THSD7B: variants seen among roughly 807,000 people sequenced by gnomAD.
THSD7B encodes the protein thrombospondin type-1 domain-containing protein 7B.
In THSD7B, 138 loss-of-function variants were observed where a neutral mutation model predicts 213.6. The observed-to-expected ratio is 0.65, with a 90% CI of 0.56 to 0.74. The LOEUF (loss-of-function observed/expected upper bound fraction) is 0.74. THSD7B is among the 30% of genes least tolerant of loss of function. The probability of loss-of-function intolerance (pLI) is 0.00; values close to 1 mark genes in which losing one functional copy is unlikely to be tolerated. For synonymous variants in THSD7B, 742 were observed against 687.0 expected (o/e 1.08, Z -1.25); for missense variants, 1,931 against 1,991.5 (o/e 0.97, Z 0.58).
At chr2:136,833,154 A>G (rs1347790785) in intron 1 of THSD7B, among the ~76,000 whole-genome samples, 27 of 152,164 alleles carry the variant, frequency 1.8e-4, no homozygotes, top group Admixed American at 1.5e-3. Context: ...TCACGAGGTC[A>G]GGAGATCAAG....
Position 137,056,601 on chromosome 2 carries a change from G to A in THSD7B, c.321G>A (p.Glu107=), listed in dbSNP as rs1687167086. 2 of 1,613,824 alleles carry A rather than the reference G, an allele frequency of 1.2e-6. No homozygotes were observed. The highest frequency in any genetic ancestry group is 1.3e-5 in the African/African-American group (1 of 74,914). ...CDWHSDLFQW[E]VSDWHHCVLV... ...GGCACAGTGACCTCTTTCAGTGGGA[G>A]GTTTCTGACTGGCACCACTGTGTGC... The change falls in exon 3 of 28, where the codon GAG becomes GAA. Residue 107 remains glutamate (E), a synonymous_variant. Transcript: ENST00000409968.
At chr2:137,456,623 T>A (rs1159043298) in intron 15 of THSD7B, among the ~76,000 whole-genome samples, 1 of 152,182 alleles carries the variant, frequency 6.6e-6, no homozygotes, top group African/African-American at 2.4e-5. Flanking sequence ...TTCCTGGGTA[T>A]CCATATGGAA....
chr2:136,815,917 C>T (rs553126809), intron 1 of THSD7B, among the ~76,000 whole-genome samples: 3 of 152,226 alleles, frequency 2.0e-5, no homozygotes, highest in East Asian at 3.9e-4. Flanking sequence ...CAGTGTCTCA[C>T]TCTGTCTCCC....
intron 12 of THSD7B, among the ~76,000 whole-genome samples, chr2:137,343,425 A>G (rs1269799484): frequency 1.3e-5 from 2 of 151,712 alleles, no homozygotes; most frequent in African/African-American, 4.8e-5. Context: ...ATAATTGTTT[A>G]TAGTAATTGC....
intron 1 of THSD7B, among the ~76,000 whole-genome samples, chr2:136,862,597 A>G (rs1210894343): frequency 2.6e-5 from 4 of 152,346 alleles, no homozygotes; most frequent in Admixed American, 1.3e-4. Flanking sequence ...ATTGTACAAC[A>G]TAATTTAGGA....
At chr2:137,338,627 T>C (rs1289845355) in intron 12 of THSD7B, among the ~76,000 whole-genome samples, 2 of 152,080 alleles carry the variant, frequency 1.3e-5, no homozygotes, top group Middle Eastern at 3.2e-3. Flanking sequence ...TGCAACAAAG[T>C]TTTTAAAACC....
intron 2 of THSD7B, among the ~76,000 whole-genome samples, chr2:136,935,536 A>G (rs1684707362): frequency 6.6e-6 from 1 of 152,204 alleles, no homozygotes; most frequent in African/African-American, 2.4e-5. Context: ...ACTTTAAGCC[A>G]TTGATGTATC....
chr2:137,214,840 G>A (rs1478443014), intron 7 of THSD7B, among the ~76,000 whole-genome samples: 3 of 152,100 alleles, frequency 2.0e-5, no homozygotes, highest in Non-Finnish European at 4.4e-5. Context: ...TCGCTGATGG[G>A]CATTTGGGTT....
rs555189977 is a variant in THSD7B, at chr2:137,642,377, G to T, written c.3800-111G>T. On this transcript the variant is annotated intron_variant, in intron 20 of 27. Coordinates refer to ENST00000409968, the MANE Select transcript of THSD7B (RefSeq NM_001316349.2). Reference sequence around the variant, plus strand: ...GAAAAACTAAAAGTGAGATAGGACAGAGTTCAGTCTATTAAAATGAAGACT... The same window carrying T: ...GAAAAACTAAAAGTGAGATAGGACATAGTTCAGTCTATTAAAATGAAGACT... 3 of 1,306,340 alleles carry T rather than the reference G, an allele frequency of 2.3e-6. No homozygotes were observed. In the African/African-American group the frequency reaches 4.4e-5, roughly 19 times the overall value. 80.9% of individuals were successfully genotyped at this position (1,306,340 alleles called of 1,614,324 possible). A position where few individuals can be genotyped will look rare whatever the true frequency, so the allele number is the denominator to read the frequency against.
At chr2:137,455,473 G>A (rs1180653229) in intron 15 of THSD7B, among the ~76,000 whole-genome samples, 23 of 152,112 alleles carry the variant, frequency 1.5e-4, no homozygotes, top group Admixed American at 1.5e-3. Context: ...ATGTACACAT[G>A]CTCCTCATAA....
chr2:137,041,766 A>G (rs1479791584), intron 2 of THSD7B, among the ~76,000 whole-genome samples: 4 of 152,070 alleles, frequency 2.6e-5, no homozygotes, highest in African/African-American at 9.7e-5. Context: ...CATAGCACAC[A>G]GAGTCAATAA....
At chr2:136,953,141 G>GA (rs1176944173) in intron 2 of THSD7B, among the ~76,000 whole-genome samples, 1 of 151,982 alleles carries the variant, frequency 6.6e-6, no homozygotes, top group African/African-American at 2.4e-5. Context: ...AGTATATAGA[G>GA]AAAAAACTAA....
At chr2:137,015,007 C>T (rs1364939389) in intron 2 of THSD7B, among the ~76,000 whole-genome samples, 2 of 152,128 alleles carry the variant, frequency 1.3e-5, no homozygotes, top group Admixed American at 6.6e-5. Context: ...TCTCTGGCCC[C>T]TCAGCTTGGT....
intron 12 of THSD7B, among the ~76,000 whole-genome samples, chr2:137,389,210 A>ATATATC (rs1221720969): frequency 1.6e-3 from 226 of 145,734 alleles, no homozygotes; most frequent in Non-Finnish European, 2.3e-3. Context: ...ATATATATAT[A>ATATATC]TATATATGAC....
intron 4 of THSD7B, among the ~76,000 whole-genome samples, chr2:137,097,096 A>G (rs992181055): frequency 8.5e-5 from 13 of 152,188 alleles, no homozygotes; most frequent in African/African-American, 3.1e-4. Flanking sequence ...GTATACAGGC[A>G]GGAATAAAAT....
At chr2:137,114,874 G>A (rs1270808143) in intron 4 of THSD7B, among the ~76,000 whole-genome samples, 1 of 151,680 alleles carries the variant, frequency 6.6e-6, no homozygotes, top group Non-Finnish European at 1.5e-5. Context: ...CACACTCACT[G>A]TTTATCCATA....
In THSD7B at chr2:137,372,297, C is replaced by G. The variant is rs1224499455; in HGVS notation, c.2501-33316C>G. On this transcript the variant is annotated intron_variant, in intron 12 of 27. Transcript: ENST00000409968. The stretch of plus-strand genomic sequence containing the variant: ...TCCCCTCAGCTATGCCTTTGGCCCA[C>G]AGGCCAGAGAGAGTCTGATAATACT... 3.5e-5 allele frequency among the ~76,000 whole-genome samples: 5 copies of G among 140,920 alleles called. No homozygotes were observed. The Admixed American group carries it at 3.7e-4, about 10-fold the overall frequency. 92.4% of individuals were successfully genotyped at this position (140,920 alleles called of 152,430 possible).
chr2:137,311,661 T>C (rs1263100768), intron 12 of THSD7B, among the ~76,000 whole-genome samples: 2 of 152,044 alleles, frequency 1.3e-5, no homozygotes, highest in Non-Finnish European at 2.9e-5. Context: ...ATAGCTCTTA[T>C]TATTTTGAGA....
At chr2:137,078,417 C>T (rs1687675459) in intron 3 of THSD7B, among the ~76,000 whole-genome samples, 1 of 152,152 alleles carries the variant, frequency 6.6e-6, no homozygotes, top group African/African-American at 2.4e-5. Flanking sequence ...TCTAAATTTT[C>T]AAATTCATTT....
Sources: allele counts gnomAD v4.1 joint callset (sites outside exome capture counted in the v4.1 genomes callset), GRCh38; gene constraint gnomAD v4.1.1; transcripts MANE v1.5; gene names NCBI Gene and HGNC (gene_info 2026-07-23, HGNC 2026-07-21).